The following MLIP variants were observed in gnomAD, a reference collection of about 807,000 sequenced individuals.
MLIP encodes muscular LMNA-interacting protein.
A neutral mutation model predicts 84.8 loss-of-function variants in MLIP; 79 were observed. The ratio of observed to expected loss-of-function variants is 0.93; its 90% confidence interval spans 0.78 to 1.12. The LOEUF (loss-of-function observed/expected upper bound fraction) is 1.12, where lower values mean the gene tolerates loss of function less well. Ranked by LOEUF, MLIP falls within the 50% of genes most tolerant of loss-of-function variation. The pLI, the probability that MLIP is intolerant of heterozygous loss-of-function variation, is 0.00. For missense variants in MLIP, 1,257 were observed against 1,160.6 expected (o/e 1.08, Z -1.21); for synonymous variants, 504 against 463.0 (o/e 1.09, Z -1.14).
chr6:54,219,939 C>T (rs1780113271), intron 11 of MLIP, among the ~76,000 whole-genome samples: 1 of 152,018 alleles, frequency 6.6e-6, no homozygotes, highest in Non-Finnish European at 1.5e-5. Flanking sequence ...ACGAAAATAG[C>T]CATCTTAAAA....
chr6:54,132,840 C>A (rs1771496711), intron 3 of MLIP, among the ~76,000 whole-genome samples: 1 of 152,200 alleles, frequency 6.6e-6, no homozygotes, highest in South Asian at 2.1e-4. Context: ...CAGCCCCACT[C>A]AGCTTGCGCC....
intron 1 of MLIP, among the ~76,000 whole-genome samples, chr6:54,111,828 A>C (rs1341797519): frequency 3.3e-5 from 5 of 152,210 alleles, no homozygotes; most frequent in Non-Finnish European, 2.9e-5. Flanking sequence ...ATGCCTTAAC[A>C]GGAGGCTAGA....
intron 8 of MLIP, among the ~76,000 whole-genome samples, chr6:54,167,681 G>A (rs1024737984): frequency 1.1e-4 from 17 of 151,836 alleles, no homozygotes; most frequent in African/African-American, 4.1e-4. Flanking sequence ...GACTTCAGAT[G>A]ATATTACCTT....
chr6:54,141,978 A>G (rs1772355994), intron 4 of MLIP, among the ~76,000 whole-genome samples: 1 of 152,248 alleles, frequency 6.6e-6, no homozygotes, highest in South Asian at 2.1e-4. Context: ...TTTTATTCAC[A>G]AAAGTCTCCT....
At chr6:54,185,638 T>C (rs777954300) in intron 9 of MLIP, among the ~76,000 whole-genome samples, 6 of 152,212 alleles carry the variant, frequency 3.9e-5, no homozygotes, top group Admixed American at 2.0e-4. Flanking sequence ...ATTGTTAATA[T>C]GTAACTTCTT....
chr6:54,251,713 ATATAT>A (rs933753349), intron 12 of MLIP, among the ~76,000 whole-genome samples: 1 of 106,304 alleles, frequency 9.4e-6, no homozygotes, highest in Non-Finnish European at 1.7e-5. Flanking sequence ...TATGATACAT[ATATAT>A]TATAACATAT....
intron 1 of MLIP, among the ~76,000 whole-genome samples, chr6:54,019,768 G>T (rs936603775): frequency 2.0e-5 from 3 of 152,074 alleles, no homozygotes; most frequent in African/African-American, 7.2e-5. Flanking sequence ...GTTAATATCA[G>T]CATAAATAAC....
chr6:54,087,586 A>G (rs2150366172), intron 1 of MLIP, among the ~76,000 whole-genome samples: 1 of 151,888 alleles, frequency 6.6e-6, no homozygotes. Flanking sequence ...AAGCTTGGTG[A>G]CTCCTTACTT....
At chr6:54,120,864 C>T (rs893514254) in intron 1 of MLIP, among the ~76,000 whole-genome samples, 1 of 152,036 alleles carries the variant, frequency 6.6e-6, no homozygotes, top group African/African-American at 2.4e-5. Flanking sequence ...GTTTCCCTAC[C>T]TCCTGAGTAC....
intron 11 of MLIP, chr6:54,218,118 G>A (rs1391941701): frequency 5.2e-6 from 2 of 386,562 alleles, no homozygotes; most frequent in Non-Finnish European, 7.1e-6. Context: ...TGTCACTTAA[G>A]AATGGGATAT....
intron 1 of MLIP, among the ~76,000 whole-genome samples, chr6:54,092,604 GTTAA>G (rs1229119837): frequency 1.3e-5 from 2 of 151,594 alleles, no homozygotes; most frequent in Non-Finnish European, 2.9e-5. Context: ...TATCACTACT[GTTAA>G]TTAATATATA....
chr6:54,022,444 C>T (rs1763548465), intron 1 of MLIP, among the ~76,000 whole-genome samples: 1 of 152,076 alleles, frequency 6.6e-6, no homozygotes, highest in South Asian at 2.1e-4. Context: ...TTTTGAGTTG[C>T]ATTTTTGGAA....
chr6:54,086,742 C>A lies in MLIP; in HGVS notation c.64-34705C>A, dbSNP rs373707822. ...CTGTTCTTCAGGGATGTCAGATAGC[C>A]TCCTACCTTTGGTTCTTGGCTTTTG... On this transcript the variant is annotated intron_variant, in intron 1 of 12. Coordinates refer to the MLIP transcript ENST00000274897. 1.3e-4 allele frequency among the ~76,000 whole-genome samples: 20 copies of A among 152,272 alleles called. No homozygotes were observed. In the East Asian group the frequency reaches 3.7e-3, roughly 28 times the overall value.
At chr6:54,187,108 A>G (rs910429293) in intron 9 of MLIP, among the ~76,000 whole-genome samples, 4 of 152,228 alleles carry the variant, frequency 2.6e-5, no homozygotes, top group Non-Finnish European at 4.4e-5. Flanking sequence ...CAAACCTATG[A>G]CAGTGTGGGG....
intron 9 of MLIP, among the ~76,000 whole-genome samples, chr6:54,180,382 T>C (rs1282623670): frequency 6.6e-6 from 1 of 152,204 alleles, no homozygotes; most frequent in African/African-American, 2.4e-5. Context: ...GGGAAATTTC[T>C]GTTATTGTAC....
At chr6:54,120,741 T>C (rs916404028) in intron 1 of MLIP, among the ~76,000 whole-genome samples, 1 of 152,122 alleles carries the variant, frequency 6.6e-6, no homozygotes, top group Non-Finnish European at 1.5e-5. Flanking sequence ...TTTCAGGTAC[T>C]ACCTATTATG....
At chr6:54,184,689 A>AT (rs1263918172) in intron 9 of MLIP, among the ~76,000 whole-genome samples, 1 of 151,890 alleles carries the variant, frequency 6.6e-6, no homozygotes, top group East Asian at 1.9e-4. Flanking sequence ...TATTTAATTT[A>AT]TTTTTTTGAA....
chr6:54,200,625 T>G (rs902757543), intron 10 of MLIP, among the ~76,000 whole-genome samples: 2,716 of 34,688 alleles, frequency 0.078, 201 homozygotes, highest in Admixed American at 0.39. Context: ...TTTTTTTTTT[T>G]TTTTTTTTGG....
chr6:54,091,373 T>C (rs1767864922), intron 1 of MLIP, among the ~76,000 whole-genome samples: 1 of 152,172 alleles, frequency 6.6e-6, no homozygotes. Flanking sequence ...AATTATGAAA[T>C]CTATATTCCT....
Sources: allele counts gnomAD v4.1 joint callset (sites outside exome capture counted in the v4.1 genomes callset), GRCh38; gene constraint gnomAD v4.1.1; transcripts MANE v1.5; gene names NCBI Gene and HGNC (gene_info 2026-07-23, HGNC 2026-07-21).